Variants in PPP2R5A observed in about 807,000 individuals in gnomAD.
PPP2R5A encodes serine/threonine-protein phosphatase 2A 56 kDa regulatory subunit alpha isoform.
In PPP2R5A, 25 loss-of-function variants were observed where a neutral mutation model predicts 64.2. That is an observed-to-expected ratio of 0.39 (90% CI 0.28 to 0.54). PPP2R5A has a LOEUF of 0.54. Among genes scored for constraint, PPP2R5A ranks in the 20% least tolerant of loss-of-function variants. The probability of loss-of-function intolerance (pLI) is 0.67; values close to 1 mark genes in which losing one functional copy is unlikely to be tolerated. For synonymous variants in PPP2R5A, 198 were observed against 201.2 expected, an observed-to-expected ratio of 0.98 and a Z score of 0.13; for missense variants, 425 against 576.3, an observed-to-expected ratio of 0.74 and a Z score of 2.69.
At chr1:212,289,366 T>C (rs1036522742) in intron 1 of PPP2R5A, among the ~76,000 whole-genome samples, 1 of 152,222 alleles carries the variant, frequency 6.6e-6, no homozygotes, top group African/African-American at 2.4e-5. Flanking sequence ...ATCCTATTCA[T>C]TGGGTCATCC....
intron 4 of PPP2R5A, among the ~76,000 whole-genome samples, chr1:212,343,405 T>G (rs1659720273): frequency 6.6e-6 from 1 of 152,202 alleles, no homozygotes; most frequent in Non-Finnish European, 1.5e-5. Context: ...GGACCTTTCC[T>G]ACCCTTCAGA....
chr1:212,329,703 G>A (rs971347574), intron 2 of PPP2R5A, among the ~76,000 whole-genome samples: 2 of 152,150 alleles, frequency 1.3e-5, no homozygotes, highest in African/African-American at 4.8e-5. Flanking sequence ...CTGGAGTGCA[G>A]TGGTGCGATC....
At chr1:212,289,826 G>T (rs1658569258) in intron 1 of PPP2R5A, among the ~76,000 whole-genome samples, 1 of 152,134 alleles carries the variant, frequency 6.6e-6, no homozygotes, top group Non-Finnish European at 1.5e-5. Flanking sequence ...TATTTAAAGT[G>T]ATTTTATTTA....
chr1:212,349,647 C>A (rs1188281927), intron 8 of PPP2R5A, among the ~76,000 whole-genome samples: 1 of 152,116 alleles, frequency 6.6e-6, no homozygotes, highest in Non-Finnish European at 1.5e-5. Context: ...GAATTTTTGC[C>A]ACTCATTAAC....
intron 1 of PPP2R5A, among the ~76,000 whole-genome samples, chr1:212,305,313 G>A (rs867042676): frequency 6.6e-6 from 1 of 152,022 alleles, no homozygotes; most frequent in African/African-American, 2.4e-5. Flanking sequence ...GTGAGCCACC[G>A]CGCCCGGCTC....
intron 1 of PPP2R5A, among the ~76,000 whole-genome samples, chr1:212,311,826 AGTGT>A (rs1043813823): frequency 6.6e-6 from 1 of 152,226 alleles, no homozygotes; most frequent in Non-Finnish European, 1.5e-5. Context: ...ACAGCTGTAC[AGTGT>A]GTGTTTTAAG....
chr1:212,334,848 G>A (rs925384927), intron 3 of PPP2R5A, among the ~76,000 whole-genome samples: 7 of 151,636 alleles, frequency 4.6e-5, no homozygotes, highest in African/African-American at 1.7e-4. Flanking sequence ...ATTTGATTAT[G>A]ATGTATCTAG....
chr1:212,360,241 G>A lies in PPP2R5A; in HGVS notation c.1329-397G>A, dbSNP rs1025568717. On this transcript the variant is annotated intron_variant, in intron 12 of 12. Transcript: ENST00000261461. Reference sequence around the variant, plus strand: ...GGCAAAAATGATGTGGCTTCTGTCTGGTGTGGTGAAGGAAGTGCTTCCTAC... The same window carrying A: ...GGCAAAAATGATGTGGCTTCTGTCTAGTGTGGTGAAGGAAGTGCTTCCTAC... Among the ~76,000 whole-genome samples the A allele has an allele frequency of 3.9e-5, 6 of 152,292 alleles. No homozygotes were observed. The East Asian group carries it at 9.6e-4, about 24-fold the overall frequency.
At chr1:212,356,361 T>G (rs1216488879) in intron 8 of PPP2R5A, among the ~76,000 whole-genome samples, 1 of 152,208 alleles carries the variant, frequency 6.6e-6, no homozygotes, top group Non-Finnish European at 1.5e-5. Context: ...GAACGTAAGC[T>G]CTGTGAAAAC....
At chr1:212,325,368 T>C (rs569093500) in intron 1 of PPP2R5A, among the ~76,000 whole-genome samples, 1 of 152,164 alleles carries the variant, frequency 6.6e-6, no homozygotes, top group East Asian at 1.9e-4. Flanking sequence ...GGGGAGGAAA[T>C]CTAGTGAAGT....
In PPP2R5A at chr1:212,351,711, C is replaced by T. The variant is rs558132202; in HGVS notation, c.927+2469C>T. On this transcript the variant is annotated intron_variant, in intron 8 of 12. Transcript: ENST00000261461. ...CAGCACTGCACTCCAGCCTGGGCAA[C>T]AGAGTGAGACTCCGTCTAAAAAGAA... is the stretch of plus-strand genomic sequence containing the variant. Among the ~76,000 whole-genome samples, 7 of 152,180 alleles carry T rather than the reference C, an allele frequency of 4.6e-5. No individual in the cohort carries two copies. The South Asian group carries it at 8.3e-4, about 18-fold the overall frequency.
chr1:212,360,055 T>C (rs1660052213), intron 12 of PPP2R5A, among the ~76,000 whole-genome samples: 3 of 152,238 alleles, frequency 2.0e-5, no homozygotes, highest in Admixed American at 1.3e-4. Context: ...CAGAAATGTT[T>C]TCCTTAGAAC....
intron 8 of PPP2R5A, 78 bp from the exon 9 acceptor site, chr1:212,356,548 T>A (rs1275368554): frequency 7.5e-7 from 1 of 1,337,076 alleles, no homozygotes; most frequent in South Asian, 1.4e-5. Context: ...AGTGTTGATA[T>A]AATCACAGCT....
At chr1:212,331,831 A>G (rs1269238393) in intron 2 of PPP2R5A, 5 of 152,122 alleles carry the variant, frequency 3.3e-5, no homozygotes, top group Non-Finnish European at 7.4e-5. Flanking sequence ...GCTTTCTTAA[A>G]TATTTTATTT....
intron 1 of PPP2R5A, among the ~76,000 whole-genome samples, chr1:212,314,705 G>T (rs1005254032): frequency 6.6e-6 from 1 of 151,574 alleles, no homozygotes; most frequent in South Asian, 2.1e-4. Context: ...CTACAGGCAC[G>T]TGCCACCATG....
chr1:212,329,051 G>A (rs909931245), intron 1 of PPP2R5A, 84 bp from the exon 2 acceptor site: 1 of 1,047,032 alleles, frequency 9.6e-7, no homozygotes, highest in African/African-American at 1.7e-5. Flanking sequence ...TTACATATGT[G>A]AATAGCTTCT....
chr1:212,285,867 C>T lies in PPP2R5A; in HGVS notation c.-244C>T. 2.6e-6 allele frequency: 1 copy of T among 390,722 alleles called. No homozygotes were observed. Among genetic ancestry groups the T allele is most frequent in the Non-Finnish European group, 4.5e-6 (1 of 222,464 alleles). The allele number at this position is 390,722 out of a possible 1,614,324, so 24.2% of individuals were successfully genotyped here. On this transcript the variant is annotated 5_prime_UTR_variant, in exon 1 of 13. Transcript: ENST00000261461. ...CACCCCCCTCCGCCCCCGCCCTTCC[C>T]TCCGTCAGCCCCGGGAGCTCGCCGC...
chr1:212,304,294 T>TA (rs1658854223), intron 1 of PPP2R5A, among the ~76,000 whole-genome samples: 1 of 152,192 alleles, frequency 6.6e-6, no homozygotes, highest in Admixed American at 6.5e-5. Context: ...GGCTCTCCTA[T>TA]AATGCCAGCA....
chr1:212,312,557 C>CT (rs886259231), intron 1 of PPP2R5A, among the ~76,000 whole-genome samples: 3 of 152,208 alleles, frequency 2.0e-5, no homozygotes, highest in African/African-American at 7.2e-5. Flanking sequence ...AGAATTTTAG[C>CT]TTTTTTTGTA....
Sources: gnomAD v4.1 joint callset for allele counts (sites outside exome capture counted in the v4.1 genomes callset) on GRCh38, gnomAD v4.1.1 for gene constraint, MANE v1.5 for transcripts, NCBI Gene and HGNC (gene_info 2026-07-23, HGNC 2026-07-21) for gene names.